MROH1: variants seen among roughly 807,000 people sequenced by gnomAD.
MROH1 encodes the protein maestro heat-like repeat-containing protein family member 1.
Under a neutral mutation model 116.5 loss-of-function variants are expected in MROH1, and 117 were observed. The ratio of observed to expected loss-of-function variants is 1.00; its 90% confidence interval spans 0.86 to 1.17. The LOEUF (loss-of-function observed/expected upper bound fraction) is 1.17. Ranked by LOEUF, MROH1 falls within the 50% of genes most tolerant of loss-of-function variation. MROH1 has a pLI of 0.00. For synonymous variants in MROH1, 921 were observed against 583.9 expected, an observed-to-expected ratio of 1.58 and a Z score of -8.32; for missense variants, 1,873 against 1,338.5, an observed-to-expected ratio of 1.40 and a Z score of -6.23.
chr8:144,203,414 C>G (rs1329156825), intron 12 of MROH1, among the ~76,000 whole-genome samples: 5 of 140,040 alleles, frequency 3.6e-5, no homozygotes, highest in Non-Finnish European at 7.6e-5. Context: ...TGGAGAGGAG[C>G]GTCAGCTCTC....
At chr8:144,230,358 G>A (rs559000000) in intron 14 of MROH1, among the ~76,000 whole-genome samples, 64 of 152,124 alleles carry the variant, frequency 4.2e-4, no homozygotes, top group Non-Finnish European at 7.9e-4. Flanking sequence ...CTTATCATTC[G>A]TGTGTTCACT....
chr8:144,169,498 G>A (rs1042439272), intron 4 of MROH1, among the ~76,000 whole-genome samples: 5 of 150,864 alleles, frequency 3.3e-5, no homozygotes, highest in Non-Finnish European at 7.4e-5. Flanking sequence ...TGTTGCCCGG[G>A]CTGGAGTGCA....
Position 144,255,981 on chromosome 8 carries a change from G to A in MROH1, c.3791+276G>A, listed in dbSNP as rs985963958. On this transcript the variant is annotated intron_variant, in intron 35 of 43. Coordinates refer to ENST00000326134, the MANE Select transcript of MROH1 (RefSeq NM_032450.3). ...AACACAGGCAGCTGGTGGGGGCTTC[G>A]TGTGGCAGCTCAGGCAGGATCCGGG... is the stretch of plus-strand genomic sequence containing the variant. 1.1e-4 allele frequency among the ~76,000 whole-genome samples: 17 copies of A among 152,372 alleles called. 1 individual carries two copies. In the South Asian group the frequency reaches 1.4e-3, roughly 13 times the overall value.
intron 14 of MROH1, among the ~76,000 whole-genome samples, chr8:144,230,013 G>A (rs1012917035): frequency 9.9e-5 from 15 of 151,534 alleles, no homozygotes; most frequent in African/African-American, 3.6e-4. Context: ...TAGCCTGGGC[G>A]ACAGAGCTAC....
chr8:144,243,084 C>T (rs1841299224), intron 24 of MROH1, among the ~76,000 whole-genome samples: 1 of 152,268 alleles, frequency 6.6e-6, no homozygotes, highest in Non-Finnish European at 1.5e-5. Flanking sequence ...CTTCTGGCCT[C>T]CCTGGCACTA....
Position 144,168,366 on chromosome 8 carries a change from C to CTG in MROH1, c.97_98dup (p.Ser34AlafsTer34), listed in dbSNP as rs1564380354. 6.2e-7 allele frequency: 1 copy of CTG among 1,611,196 alleles called. No individual in the cohort carries two copies. Among genetic ancestry groups the CTG allele is most frequent in the Non-Finnish European group, 8.5e-7 (1 of 1,179,714 alleles). On this transcript the variant is annotated frameshift_variant, in exon 4 of 44. Transcript: ENST00000326134. LOFTEE classifies it high-confidence loss of function. ...GGTGCAGGAGCAGGTCTGCAGTGCC[C>CTG]TGTGCTCCCTCGGGGAGGCGCGGCC... is the stretch of plus-strand genomic sequence containing the variant.
chr8:144,190,768 C>G lies in MROH1; in HGVS notation c.563-16C>G. The G allele has an allele frequency of 6.2e-7, 1 of 1,610,598 alleles. No individual in the cohort carries two copies. Among genetic ancestry groups the G allele is most frequent in the Non-Finnish European group, 8.5e-7 (1 of 1,177,644 alleles). On this transcript the variant is annotated splice_polypyrimidine_tract_variant and intron_variant, in intron 7 of 43. Coordinates refer to ENST00000326134, the MANE Select transcript of MROH1 (RefSeq NM_032450.3). ...ACCCATGGCCTGCAGCCACTTACCA[C>G]TGGCCGGTTTTGTAGCTCTGCAGCG...
At chr8:144,169,015 C>T (rs1317893179) in intron 4 of MROH1, among the ~76,000 whole-genome samples, 2 of 152,198 alleles carry the variant, frequency 1.3e-5, no homozygotes, top group Non-Finnish European at 2.9e-5. Flanking sequence ...ATCAGTGATC[C>T]GAACCCTAGG....
intron 1 of MROH1, among the ~76,000 whole-genome samples, chr8:144,153,266 G>A (rs944439425): frequency 5.3e-5 from 8 of 151,320 alleles, no homozygotes; most frequent in Admixed American, 1.3e-4. Flanking sequence ...GCTCGATCTC[G>A]GCTCACTGCA....
intron 12 of MROH1, among the ~76,000 whole-genome samples, chr8:144,203,344 C>T (rs1330051058): frequency 1.1e-5 from 1 of 93,412 alleles, no homozygotes; most frequent in Non-Finnish European, 2.1e-5. Context: ...AGCGCCGGCT[C>T]TCTGTGGAGG....
In MROH1 at chr8:144,241,064, C is replaced by G; in HGVS notation, c.2008C>G (p.Gln670Glu). ...SSKEVVRKHL[Q>E]ELLETARYQE... is the part of the protein sequence containing the mutation. ...TAAGGAGGTGGTGAGGAAGCACCTT[C>G]AAGAGCTGCTGGAGACGGCCAGATA... Residue 670 changes from glutamine to glutamate, a missense_variant, in exon 21 of 44, where the codon CAA becomes GAA. Transcript: ENST00000326134. 2.6e-6 allele frequency: 2 copies of G among 775,780 alleles called. No individual in the cohort carries two copies. The highest frequency in any genetic ancestry group is 2.4e-6 in the Non-Finnish European group (1 of 415,870). 48.1% of individuals were successfully genotyped at this position (775,780 alleles called of 1,614,324 possible). A position where few individuals can be genotyped will look rare whatever the true frequency, so the allele number is the denominator to read the frequency against.
chr8:144,196,290 C>A (rs868338300), intron 10 of MROH1, among the ~76,000 whole-genome samples: 90 of 129,004 alleles, frequency 7.0e-4, no homozygotes, highest in South Asian at 1.0e-3. Context: ...ATTCCGTCTC[C>A]AAAAAAAAAA....
At chr8:144,217,502 C>A (rs1294059579) in intron 12 of MROH1, among the ~76,000 whole-genome samples, 2 of 152,234 alleles carry the variant, frequency 1.3e-5, no homozygotes, top group Non-Finnish European at 2.9e-5. Flanking sequence ...AATGCTCAAT[C>A]TATCCAGGCT....
intron 4 of MROH1, among the ~76,000 whole-genome samples, chr8:144,169,736 G>A (rs563518745): frequency 1.9e-4 from 29 of 150,010 alleles, no homozygotes; most frequent in South Asian, 1.3e-3. Context: ...TCCACCTCCC[G>A]GGTTCAAGCG....
At position 144,187,050 on chromosome 8, in the gene MROH1, A is replaced by G. The variant is rs917162028; in HGVS notation, c.563-3734A>G. 2.0e-5 allele frequency among the ~76,000 whole-genome samples: 3 copies of G among 151,264 alleles called. No individual in the cohort carries two copies. The South Asian group carries it at 6.3e-4, about 32-fold the overall frequency. Reference sequence around the variant, plus strand: ...GAGTCAGAGGTTGCAGTGAGCCAAGATCACGCCACTGCATTCCAGCCTCAG... The same window carrying G: ...GAGTCAGAGGTTGCAGTGAGCCAAGGTCACGCCACTGCATTCCAGCCTCAG... On this transcript the variant is annotated intron_variant, in intron 7 of 43. Coordinates refer to ENST00000326134, the MANE Select transcript of MROH1 (RefSeq NM_032450.3).
rs760038207 is a variant in MROH1, at chr8:144,180,478, C to CTGGGCGTGGCCAAGCAGGACACGG, written c.520_543dup (p.Gly174_Val181dup). On this transcript the variant is annotated inframe_insertion, in exon 7 of 44. Coordinates refer to ENST00000326134, the MANE Select transcript of MROH1 (RefSeq NM_032450.3). The surrounding 1 kb of genome is among the most constrained non-coding windows in gnomAD (Gnocchi z 7.4). ...CGTCCTGAGCTCCCTGCTGCCCGTG[C>CTGGGCGTGGCCAAGCAGGACACGG]TGGGCGTGGCCAAGCAGGACACGGT... 9 of 1,612,458 alleles carry CTGGGCGTGGCCAAGCAGGACACGG rather than the reference C, an allele frequency of 5.6e-6. No homozygotes were observed. In the South Asian group the frequency reaches 9.9e-5, roughly 18 times the overall value.
At position 144,163,119 on chromosome 8, in the gene MROH1, C is replaced by G. The variant is rs1819967545; in HGVS notation, c.-56-652C>G. On this transcript the variant is annotated intron_variant, in intron 2 of 43. Transcript: ENST00000326134. The surrounding 1 kb of genome is among the most constrained non-coding windows in gnomAD (Gnocchi z 4.4). ...GGGATGGGTCATGGTGTCTCTCCTTCATTTTTCTCTGGAGTATGTTAGCAA... is the reference window on the plus strand; with the variant it reads ...GGGATGGGTCATGGTGTCTCTCCTTGATTTTTCTCTGGAGTATGTTAGCAA... Among the ~76,000 whole-genome samples the G allele has an allele frequency of 6.6e-6, 1 of 152,160 alleles. No individual in the cohort carries two copies. Among genetic ancestry groups the G allele is most frequent in the African/African-American group, 2.4e-5 (1 of 41,424 alleles).
intron 7 of MROH1, among the ~76,000 whole-genome samples, chr8:144,181,258 C>T (rs1418942052): frequency 4.1e-5 from 6 of 146,212 alleles, no homozygotes; most frequent in African/African-American, 1.3e-4. Context: ...TAGTTCCAGG[C>T]AGCAGGTGTG....
At chr8:144,191,639 G>T in intron 8 of MROH1, 76 bp from the exon 9 acceptor site, 1 of 1,559,752 alleles carries the variant, frequency 6.4e-7, no homozygotes, top group Non-Finnish European at 8.7e-7. Flanking sequence ...GTCCGTCACG[G>T]GTGCTTGCTG....
Sources: allele counts gnomAD v4.1 joint callset (sites outside exome capture counted in the v4.1 genomes callset), GRCh38; gene constraint gnomAD v4.1.1; non-coding constraint Gnocchi (gnomAD v3.1); transcripts MANE v1.5; gene names NCBI Gene and HGNC (gene_info 2026-07-23, HGNC 2026-07-21).